WARS1: variants seen among roughly 807,000 people sequenced by gnomAD.
WARS1 encodes tryptophan--tRNA ligase, cytoplasmic.
In WARS1, 17 loss-of-function variants were observed where a neutral mutation model predicts 47.8. The observed-to-expected ratio is 0.36, with a 90% CI of 0.24 to 0.53. The LOEUF is 0.53. Ranked by LOEUF, WARS1 falls within the 20% of genes least tolerant of loss-of-function variation. WARS1 has a pLI of 0.91. For synonymous variants in WARS1, 208 were observed against 228.1 expected, an observed-to-expected ratio of 0.91 and a Z score of 0.79; for missense variants, 434 against 608.0, an observed-to-expected ratio of 0.71 and a Z score of 3.01.
intron 4 of WARS1, among the ~76,000 whole-genome samples, chr14:100,357,530 C>T (rs764381577): frequency 2.0e-5 from 3 of 151,218 alleles, no homozygotes; most frequent in Non-Finnish European, 2.9e-5. Context: ...GGCACGATCT[C>T]GGGTCACTGC....
intron 3 of WARS1, 36 bp downstream of exon 3, chr14:100,361,672 T>C (rs1337905447): frequency 1.3e-6 from 2 of 1,599,604 alleles, no homozygotes; most frequent in Non-Finnish European, 1.7e-6. Flanking sequence ...CTTCTAAAAG[T>C]TGCAGCTTTT....
chr14:100,376,189 C>T, upstream of WARS1: 1 of 257,146 alleles, frequency 3.9e-6, no homozygotes, highest in East Asian at 7.8e-5. Flanking sequence ...CACTGGGCGC[C>T]GCGCCAGCGT....
chr14:100,364,352 G>A (rs1377636639), intron 2 of WARS1, among the ~76,000 whole-genome samples: 1 of 152,120 alleles, frequency 6.6e-6, no homozygotes, highest in Non-Finnish European at 1.5e-5. Context: ...TGCTGCTACT[G>A]AAGGATGTGG....
At chr14:100,345,969 G>C (rs921093909) in intron 7 of WARS1, among the ~76,000 whole-genome samples, 1 of 152,336 alleles carries the variant, frequency 6.6e-6, no homozygotes, top group South Asian at 2.1e-4. Context: ...CAGGGTGAAC[G>C]CTCCTCACGG....
intron 6 of WARS1, among the ~76,000 whole-genome samples, chr14:100,349,023 TGG>T (rs1894806601): frequency 6.6e-6 from 1 of 152,170 alleles, no homozygotes; most frequent in Non-Finnish European, 1.5e-5. Context: ...TGCCGGCACA[TGG>T]AGGCTTCTCA....
At chr14:100,352,971 T>C (rs867586927) in intron 6 of WARS1, 2 of 152,206 alleles carry the variant, frequency 1.3e-5, no homozygotes, top group African/African-American at 4.8e-5. Context: ...CTTTTCTCTG[T>C]GAGGAAAAGG....
In WARS1 at chr14:100,334,672, C is replaced by T. The variant is rs1204992130; in HGVS notation, c.*203G>A. On this transcript the variant is annotated 3_prime_UTR_variant, in exon 11 of 11. Coordinates refer to ENST00000392882, the MANE Select transcript of WARS1 (RefSeq NM_004184.4). ...ATGCAATGTTAGCCAGCACCAATTA[C>T]CCACAATGCTTTGCCCATAAGAGAT... 1.9e-6 allele frequency: 1 copy of T among 532,428 alleles called. No homozygotes were observed. Among genetic ancestry groups the T allele is most frequent in the Non-Finnish European group, 3.2e-6 (1 of 311,768 alleles). The allele number at this position is 532,428 out of a possible 1,614,324, so 33.0% of individuals were successfully genotyped here. A position where few individuals can be genotyped will look rare whatever the true frequency, so the allele number is the denominator to read the frequency against.
intron 3 of WARS1, 132 bp downstream of exon 3, chr14:100,361,576 C>A: frequency 1.2e-6 from 1 of 814,950 alleles, no homozygotes; most frequent in Non-Finnish European, 1.9e-6. Context: ...ATTTTAGTAT[C>A]CATTTTTTCT....
In WARS1 at chr14:100,361,727, T is replaced by C. The variant is rs1237801177; in HGVS notation, c.294A>G (p.Ile98Met). The change falls in exon 3 of 11, where the codon ATA becomes ATG. Residue 98 changes from isoleucine to methionine, a missense_variant. Around this residue, in one of 2 missense-constraint regions of WARS1, gnomAD observed 347 missense variants for 523.8 expected, o/e 0.66. Transcript: ENST00000392882. ...WTVQTSSAKG[I>M]DYDKLIVRFG... is the part of the protein sequence containing the mutation. ...ACGTACCAATGAGCTTATCGTAGTCTATGCCTTTTGCACTGCTTGTCTGTA... is the reference window on the plus strand; with the variant it reads ...ACGTACCAATGAGCTTATCGTAGTCCATGCCTTTTGCACTGCTTGTCTGTA... 2 of 1,614,062 alleles carry C rather than the reference T, an allele frequency of 1.2e-6. No individual in the cohort carries two copies. Among genetic ancestry groups the C allele is most frequent in the African/African-American group, 2.7e-5 (2 of 74,920 alleles).
At chr14:100,353,644 C>A in intron 6 of WARS1, 43 bp downstream of exon 6, 1 of 1,600,818 alleles carries the variant, frequency 6.2e-7, no homozygotes, top group South Asian at 1.1e-5. Context: ...ACTTGACATC[C>A]TCCTCTACCT....
intron 6 of WARS1, among the ~76,000 whole-genome samples, 179 bp downstream of exon 6, chr14:100,353,508 A>G (rs1272730057): frequency 1.3e-5 from 2 of 152,150 alleles, no homozygotes; most frequent in African/African-American, 2.4e-5. Flanking sequence ...TCGGCCTCCC[A>G]AAGTGCTGGG....
At chr14:100,343,214 G>A (rs1247521960) in intron 8 of WARS1, 61 bp downstream of exon 8, 2 of 1,435,792 alleles carry the variant, frequency 1.4e-6, no homozygotes, top group Non-Finnish European at 9.6e-7. Context: ...CCGCTGAAGA[G>A]TAAGAGGAAC....
intron 7 of WARS1, among the ~76,000 whole-genome samples, chr14:100,346,420 C>T (rs923503037): frequency 2.6e-5 from 4 of 152,214 alleles, no homozygotes; most frequent in African/African-American, 9.6e-5. Flanking sequence ...CCTACACTGA[C>T]TGGGGTCCCA....
intron 6 of WARS1, 112 bp from the exon 7 acceptor site, chr14:100,346,958 GC>G: frequency 1.1e-6 from 1 of 919,418 alleles, no homozygotes; most frequent in South Asian, 1.4e-5. Flanking sequence ...CAGACTCGGG[GC>G]CACATTGTGG....
At chr14:100,342,609 A>G (rs1894245533) in intron 8 of WARS1, 38 bp from the exon 9 acceptor site, 1 of 1,566,878 alleles carries the variant, frequency 6.4e-7, no homozygotes, top group Non-Finnish European at 8.7e-7. Context: ...GGGCGGCCAG[A>G]AAACATGCCA....
Position 100,361,729 on chromosome 14 carries a change from T to C in WARS1, c.292A>G (p.Ile98Val). ...GTACCAATGAGCTTATCGTAGTCTATGCCTTTTGCACTGCTTGTCTGTACT... is the reference window on the plus strand; with the variant it reads ...GTACCAATGAGCTTATCGTAGTCTACGCCTTTTGCACTGCTTGTCTGTACT... ...WTVQTSSAKG[I>V]DYDKLIVRFG... Residue 98 changes from isoleucine (I) to valine (V), a missense_variant, in exon 3 of 11, where the codon ATA (isoleucine) becomes GTA (valine). Coordinates refer to ENST00000392882, the MANE Select transcript of WARS1 (RefSeq NM_004184.4). 2 of 1,614,184 alleles carry C rather than the reference T, an allele frequency of 1.2e-6. No homozygotes were observed. Among genetic ancestry groups the C allele is most frequent in the Middle Eastern group, 3.3e-4 (2 of 6,060 alleles).
Position 100,373,570 on chromosome 14 carries a change from G to A in WARS1, c.-74+1713C>T, listed in dbSNP as rs1896464291. Among the ~76,000 whole-genome samples the A allele has an allele frequency of 6.6e-6, 1 of 152,176 alleles. No individual in the cohort carries two copies. Among genetic ancestry groups the A allele is most frequent in the Non-Finnish European group, 1.5e-5 (1 of 68,038 alleles). The stretch of plus-strand genomic sequence containing the variant: ...TAAAAATTCCAGGGGAAAGTGCCAG[G>A]TAGAATGCCTGAGTGATCCCAGGAC... On this transcript the variant is annotated intron_variant, in intron 1 of 10. Transcript: ENST00000392882. This position sits in a 1 kb window ranked among gnomAD's most constrained non-coding sequence, Gnocchi z 4.4.
intron 6 of WARS1, among the ~76,000 whole-genome samples, chr14:100,353,281 C>T (rs960410435): frequency 7.9e-5 from 12 of 152,038 alleles, no homozygotes; most frequent in South Asian, 2.1e-4. Context: ...GATGGAGTCT[C>T]GCTCTGTTGC....
At chr14:100,339,481 T>G (rs1894001779) in intron 9 of WARS1, among the ~76,000 whole-genome samples, 1 of 147,930 alleles carries the variant, frequency 6.8e-6, no homozygotes, top group Admixed American at 7.0e-5. Context: ...GCCCAGCTAC[T>G]CGGGAGCCTT....
Sources: allele counts gnomAD v4.1 joint callset (sites outside exome capture counted in the v4.1 genomes callset), GRCh38; gene constraint gnomAD v4.1.1; regional missense constraint gnomAD v4.1.1; non-coding constraint Gnocchi (gnomAD v3.1); transcripts MANE v1.5; gene names NCBI Gene and HGNC (gene_info 2026-07-23, HGNC 2026-07-21).